The following TMEM165 variants were observed in gnomAD, a reference collection of about 807,000 sequenced individuals.
TMEM165 encodes putative divalent cation/proton antiporter TMEM165.
A neutral mutation model predicts 30.0 loss-of-function variants in TMEM165; 19 were observed. The observed-to-expected ratio is 0.63, with a 90% CI of 0.44 to 0.93. TMEM165 has a LOEUF of 0.93. Ranked by LOEUF, TMEM165 falls within the 40% of genes least tolerant of loss-of-function variation. The pLI, the probability that TMEM165 is intolerant of heterozygous loss-of-function variation, is 0.00. For synonymous variants in TMEM165, 168 were observed against 162.9 expected (o/e 1.03, Z -0.24); for missense variants, 340 against 417.0 (o/e 0.82, Z 1.61).
At chr4:55,444,886 T>C (rs1723676376) in intron 3 of TMEM165, 1 of 1,216,966 alleles carries the variant, frequency 8.2e-7, no homozygotes, top group Admixed American at 2.0e-5. Flanking sequence ...GAGTGAAGGA[T>C]GATAACATCC....
intron 4 of TMEM165, chr4:55,423,531 T>A (rs1560398459): frequency 6.6e-6 from 1 of 152,340 alleles, no homozygotes; most frequent in Non-Finnish European, 1.5e-5. Flanking sequence ...CAAATGATCC[T>A]CCCACCTCAG....
In TMEM165 at chr4:55,425,885, C is replaced by G. The variant is rs1323055266; in HGVS notation, c.*433C>G. The G allele has an allele frequency of 6.5e-6, 1 of 152,788 alleles. No individual in the cohort carries two copies. Among genetic ancestry groups the G allele is most frequent in the Non-Finnish European group, 1.5e-5 (1 of 68,562 alleles). 9.5% of individuals were successfully genotyped at this position (152,788 alleles called of 1,614,324 possible). A position where few individuals can be genotyped will look rare whatever the true frequency, so the allele number is the denominator to read the frequency against. On this transcript the variant is annotated 3_prime_UTR_variant, in exon 6 of 6. Coordinates refer to ENST00000381334, the MANE Select transcript of TMEM165 (RefSeq NM_018475.5). ...TATTTCTTAAAACATTTCCCTGAGC[C>G]AGTAAACAGTAGTTTAATCATTGGT... is the stretch of plus-strand genomic sequence containing the variant.
At chr4:55,442,560 G>T (rs1169002089) in intron 3 of TMEM165, 1 of 1,611,610 alleles carries the variant, frequency 6.2e-7, no homozygotes, top group Non-Finnish European at 8.5e-7. Context: ...TATACAGTGG[G>T]GCTGTAAGAG....
At chr4:55,400,261 AT>A in intron 1 of TMEM165, among the ~76,000 whole-genome samples, 1 of 88,564 alleles carries the variant, frequency 1.1e-5, no homozygotes, top group African/African-American at 4.5e-5. Context: ...TTATATTAAT[AT>A]ATAATATATA....
At chr4:55,426,988 T>G (rs573038703), downstream of TMEM165, among the ~76,000 whole-genome samples, 110 of 152,040 alleles carry the variant, frequency 7.2e-4, no homozygotes, top group Non-Finnish European at 1.0e-3. Flanking sequence ...CTATATTGCC[T>G]TAGATTGTTT....
chr4:55,396,101 A>C lies in TMEM165; in HGVS notation c.-89A>C, dbSNP rs1720707026. The C allele has an allele frequency of 4.4e-6, 5 of 1,141,398 alleles. No individual in the cohort carries two copies. Among genetic ancestry groups the C allele is most frequent in the South Asian group, 2.8e-5 (1 of 35,398 alleles). 70.7% of individuals were successfully genotyped at this position (1,141,398 alleles called of 1,614,324 possible). ...GCGGCGGCGGCGGCGAGTCGTGAGG[A>C]CGCGCCGCGGAGGCTGTTCGGGGTC... On this transcript the variant is annotated 5_prime_UTR_variant, in exon 1 of 6. Coordinates refer to ENST00000381334, the MANE Select transcript of TMEM165 (RefSeq NM_018475.5).
chr4:55,406,413 C>G (rs1453863139), intron 1 of TMEM165, among the ~76,000 whole-genome samples: 7 of 152,302 alleles, frequency 4.6e-5, no homozygotes, highest in South Asian at 2.1e-4. Context: ...TCTAGTCATT[C>G]TGGTTCCTTT....
In TMEM165 at chr4:55,445,582, C is replaced by CTTTTTTTTTTTTTTTTTTTT. The variant is rs56157186; in HGVS notation, c.409-6650_409-6631dup. On this transcript the variant is annotated intron_variant, in intron 3 of 3. Coordinates refer to the TMEM165 transcript ENST00000608091. ...TCTCTGCATCTGCTATTTCTATATT[C>CTTTTTTTTTTTTTTTTTTTT]TTTTTTTTTTTTTTTTTTTTTTTTT... is the stretch of plus-strand genomic sequence containing the variant. Among the ~76,000 whole-genome samples, 170 of 68,592 alleles carry CTTTTTTTTTTTTTTTTTTTT rather than the reference C, an allele frequency of 2.5e-3. 28 individuals are homozygous for CTTTTTTTTTTTTTTTTTTTT. The highest frequency in any genetic ancestry group is 3.2e-3 in the South Asian group (4 of 1,250). 45.0% of individuals were successfully genotyped at this position (68,592 alleles called of 152,430 possible).
chr4:55,449,476 T>C lies in TMEM165; in HGVS notation c.409-2763T>C, dbSNP rs1724232417. 1 of 1,613,910 alleles carries C rather than the reference T, an allele frequency of 6.2e-7. No individual in the cohort carries two copies. On this transcript the variant is annotated intron_variant, in intron 3 of 3. Transcript: ENST00000608091. ...TGCCTGGGTGGAGTGCTCGTATCCG[T>C]CGGGATCTTGGTTGGTGTTGCTGAA...
chr4:55,450,323 T>C, intron 3 of TMEM165: 1 of 1,521,298 alleles, frequency 6.6e-7, no homozygotes, highest in Admixed American at 1.7e-5. Context: ...AAAAAATCAG[T>C]TTTTGTCTAT....
Position 55,417,866 on chromosome 4 carries a change from C to T in TMEM165, c.673C>T (p.Pro225Ser), listed in dbSNP as rs774020357. The change falls in exon 4 of 6, where the codon CCT (proline) becomes TCT (serine). Residue 225 changes from proline to serine, a missense_variant. Transcript: ENST00000381334. ...TGAAACGGGTACAAGCATAACAGTACCTCAGAAAAAGTGGTTGCATTTTAT... is the reference window on the plus strand; with the variant it reads ...TGAAACGGGTACAAGCATAACAGTATCTCAGAAAAAGTGGTTGCATTTTAT... ...DVETGTSITV[P>S]QKKWLHFISP... 1.9e-6 allele frequency: 3 copies of T among 1,613,952 alleles called. No homozygotes were observed. The highest frequency in any genetic ancestry group is 1.3e-5 in the African/African-American group (1 of 75,004).
At chr4:55,409,053 G>A (rs73816271) in intron 1 of TMEM165, among the ~76,000 whole-genome samples, 2,044 of 151,848 alleles carry the variant, frequency 0.013, 42 homozygotes, top group African/African-American at 0.046. Flanking sequence ...CAGGAAGCTC[G>A]TTTTTAAAGG....
chr4:55,412,413 AAAAAG>A (rs1396180092), intron 2 of TMEM165, among the ~76,000 whole-genome samples: 2 of 150,990 alleles, frequency 1.3e-5, no homozygotes, highest in African/African-American at 4.9e-5. Context: ...AAAAAAAAAA[AAAAAG>A]GGAGACTGTT....
intron 3 of TMEM165, chr4:55,442,708 A>C: frequency 2.4e-6 from 3 of 1,253,692 alleles, no homozygotes; most frequent in Non-Finnish European, 3.4e-6. Context: ...AGAATTCATC[A>C]TTCTAACAAT....
intron 1 of TMEM165, among the ~76,000 whole-genome samples, chr4:55,402,250 C>A: frequency 8.2e-6 from 1 of 122,110 alleles, no homozygotes; most frequent in African/African-American, 3.1e-5. Flanking sequence ...CATATAAATT[C>A]TAATATAAAT....
At chr4:55,446,664 A>G (rs1723876159) in intron 3 of TMEM165, among the ~76,000 whole-genome samples, 2 of 152,226 alleles carry the variant, frequency 1.3e-5, no homozygotes, top group Non-Finnish European at 2.9e-5. Flanking sequence ...TACTTGAGTC[A>G]TGAGCAGCTC....
At chr4:55,418,227 G>A (rs1406630329) in intron 4 of TMEM165, 9 of 384,942 alleles carry the variant, frequency 2.3e-5, no homozygotes, top group Non-Finnish European at 4.1e-5. Context: ...CTTTGGTTTT[G>A]CCAAAATGAT....
In TMEM165 at chr4:55,435,678, T is replaced by C. The variant is rs1337683922; in HGVS notation, c.408+11035T>C. 28 of 1,392,774 alleles carry C rather than the reference T, an allele frequency of 2.0e-5. No individual in the cohort carries two copies. The Middle Eastern group carries it at 5.4e-4, about 27-fold the overall frequency. 86.3% of individuals were successfully genotyped at this position (1,392,774 alleles called of 1,614,324 possible). A position where few individuals can be genotyped will look rare whatever the true frequency, so the allele number is the denominator to read the frequency against. On this transcript the variant is annotated intron_variant, in intron 3 of 3. Coordinates refer to the TMEM165 transcript ENST00000608091. ...AGTTACTCACACTCTCCCCTGTCCA[T>C]AGGGACAAAATCCTTAAAATTCTAC...
At chr4:55,420,935 C>T (rs1054338537) in intron 4 of TMEM165, among the ~76,000 whole-genome samples, 6 of 151,972 alleles carry the variant, frequency 3.9e-5, no homozygotes, top group Non-Finnish European at 2.9e-5. Context: ...TGGTGGCTCA[C>T]GCGTTTAATC....
Sources: allele counts gnomAD v4.1 joint callset (sites outside exome capture counted in the v4.1 genomes callset), GRCh38; gene constraint gnomAD v4.1.1; transcripts MANE v1.5; gene names NCBI Gene and HGNC (gene_info 2026-07-23, HGNC 2026-07-21).